Variants in TADA2B observed in about 807,000 individuals in gnomAD.
TADA2B encodes transcriptional adaptor 2B, also known as transcriptional adapter 2-beta.
A neutral mutation model predicts 34.5 loss-of-function variants in TADA2B; 13 were observed. The observed-to-expected ratio is 0.38, with a 90% CI of 0.25 to 0.60. The LOEUF (loss-of-function observed/expected upper bound fraction) is 0.60, where lower values mean the gene tolerates loss of function less well. Ranked by LOEUF, TADA2B falls within the 20% of genes least tolerant of loss-of-function variation. The pLI, the probability that TADA2B is intolerant of heterozygous loss-of-function variation, is 0.65. For synonymous variants in TADA2B, 240 were observed against 243.4 expected (o/e 0.99, Z 0.13); for missense variants, 442 against 575.0 (o/e 0.77, Z 2.37).
chr4:7,047,536 G>C (rs970801753), intron 1 of TADA2B, among the ~76,000 whole-genome samples: 1 of 152,254 alleles, frequency 6.6e-6, no homozygotes, highest in Non-Finnish European at 1.5e-5. Context: ...CCTTGTGCGT[G>C]CATTCATTCT....
chr4:7,048,721 C>A (rs1723695563), intron 1 of TADA2B, among the ~76,000 whole-genome samples: 1 of 152,158 alleles, frequency 6.6e-6, no homozygotes, highest in South Asian at 2.1e-4. Flanking sequence ...AACTCTGTCC[C>A]CATTCAACAC....
chr4:7,051,287 C>A (rs1345641074), intron 1 of TADA2B, among the ~76,000 whole-genome samples: 2 of 152,176 alleles, frequency 1.3e-5, no homozygotes, highest in East Asian at 3.9e-4. Context: ...TGACCGAGCA[C>A]ACGCTGTGGC....
chr4:7,053,641 T>G (rs1401120589), intron 1 of TADA2B: 1 of 164,818 alleles, frequency 6.1e-6, no homozygotes, highest in Non-Finnish European at 1.3e-5. Flanking sequence ...CAGGCATTCC[T>G]TGGCCTGCCC....
At chr4:7,044,094 G>C (rs1400624016) in intron 1 of TADA2B, among the ~76,000 whole-genome samples, 2 of 152,280 alleles carry the variant, frequency 1.3e-5, no homozygotes, top group East Asian at 3.9e-4. Flanking sequence ...TTGAACGCTG[G>C]CTTCTGACAG....
chr4:7,050,432 T>G (rs928356709), intron 1 of TADA2B, among the ~76,000 whole-genome samples: 2 of 152,216 alleles, frequency 1.3e-5, no homozygotes, highest in Non-Finnish European at 2.9e-5. Flanking sequence ...TGAGACTTCT[T>G]CATTTGGAGA....
chr4:7,048,203 G>A (rs1577215511), intron 1 of TADA2B, among the ~76,000 whole-genome samples: 1 of 152,220 alleles, frequency 6.6e-6, no homozygotes, highest in Non-Finnish European at 1.5e-5. Context: ...GGGAACCATG[G>A]GAAGTGGGGA....
At chr4:7,044,116 C>T (rs1477182309) in intron 1 of TADA2B, among the ~76,000 whole-genome samples, 1 of 152,264 alleles carries the variant, frequency 6.6e-6, no homozygotes, top group Non-Finnish European at 1.5e-5. Context: ...AGAGCCATTT[C>T]CCTCACCTTC....
chr4:7,048,099 G>A (rs1047113437), intron 1 of TADA2B, among the ~76,000 whole-genome samples: 5 of 152,186 alleles, frequency 3.3e-5, no homozygotes, highest in African/African-American at 1.2e-4. Context: ...AATTCCCAGG[G>A]ATCCCCTGAG....
chr4:7,056,018 G>A lies in TADA2B; in HGVS notation c.*964G>A, dbSNP rs779950521. Reference sequence around the variant, plus strand: ...AGCTTCCTCAGGATTTTCTTCAGTTGCAAGTACCTTTCCACTGAAAATATG... The same window carrying A: ...AGCTTCCTCAGGATTTTCTTCAGTTACAAGTACCTTTCCACTGAAAATATG... On this transcript the variant is annotated 3_prime_UTR_variant, in exon 2 of 2. Coordinates refer to ENST00000310074, the MANE Select transcript of TADA2B (RefSeq NM_152293.3). The A allele has an allele frequency of 6.6e-6, 1 of 152,304 alleles. No individual in the cohort carries two copies. Among genetic ancestry groups the A allele is most frequent in the African/African-American group, 2.4e-5 (1 of 41,456 alleles). The allele number at this position is 152,304 out of a possible 1,614,324, so 9.4% of individuals were successfully genotyped here.
Position 7,056,758 on chromosome 4 carries a change from CCA to C in TADA2B, c.*1707_*1708del, listed in dbSNP as rs1197560984. 1 of 152,214 alleles carries C rather than the reference CCA, an allele frequency of 6.6e-6. No individual in the cohort carries two copies. Among genetic ancestry groups the C allele is most frequent in the African/African-American group, 2.4e-5 (1 of 41,450 alleles). The allele number at this position is 152,214 out of a possible 1,614,324, so 9.4% of individuals were successfully genotyped here. ...AGCAGTGGTATCATGAGGGCCACCT[CCA>C]CATTGTCCCCTGCAGAATAAATGCG... On this transcript the variant is annotated 3_prime_UTR_variant, in exon 2 of 2. Coordinates refer to ENST00000310074, the MANE Select transcript of TADA2B (RefSeq NM_152293.3).
At position 7,043,491 on chromosome 4, in the gene TADA2B, C is replaced by T. The variant is rs1471586532; in HGVS notation, c.-89C>T. 4.9e-6 allele frequency: 4 copies of T among 824,606 alleles called. No homozygotes were observed. Among genetic ancestry groups the T allele is most frequent in the African/African-American group, 2.0e-5 (1 of 51,036 alleles). 51.1% of individuals were successfully genotyped at this position (824,606 alleles called of 1,614,324 possible). A position where few individuals can be genotyped will look rare whatever the true frequency, so the allele number is the denominator to read the frequency against. On this transcript the variant is annotated 5_prime_UTR_variant, in exon 1 of 2. Coordinates refer to ENST00000310074, the MANE Select transcript of TADA2B (RefSeq NM_152293.3). ...GGCGGCGGTTGCTCGTGCGCGGCGG[C>T]GGCGGCGGGTCCCGCGGGCGGCGGG...
In TADA2B at chr4:7,053,982, A is replaced by C. The variant is rs143656181; in HGVS notation, c.271-80A>C. ...GGAAGTACTCTAGGTCAGCCTTTGTAAAAACGTGAAGAGAATCTGTGCGGA... is the reference window on the plus strand; with the variant it reads ...GGAAGTACTCTAGGTCAGCCTTTGTCAAAACGTGAAGAGAATCTGTGCGGA... On this transcript the variant is annotated intron_variant, in intron 1 of 1. Coordinates refer to ENST00000310074, the MANE Select transcript of TADA2B (RefSeq NM_152293.3). The C allele has an allele frequency of 1.9e-5, 27 of 1,453,794 alleles. No individual in the cohort carries two copies. In the East Asian group the frequency reaches 6.7e-4, roughly 36 times the overall value. 90.1% of individuals were successfully genotyped at this position (1,453,794 alleles called of 1,614,324 possible).
intron 1 of TADA2B, among the ~76,000 whole-genome samples, chr4:7,052,399 T>C (rs970865978): frequency 6.6e-6 from 1 of 152,234 alleles, no homozygotes; most frequent in Non-Finnish European, 1.5e-5. Context: ...CCTGTAGTTA[T>C]CTGTTTCAGA....
chr4:7,054,081 T>C lies in TADA2B; in HGVS notation c.290T>C (p.Val97Ala). 1.3e-6 allele frequency: 2 copies of C among 1,585,568 alleles called. No homozygotes were observed. Among genetic ancestry groups the C allele is most frequent in the Non-Finnish European group, 8.6e-7 (1 of 1,163,438 alleles). ...FGNWEDMAAH[V>A]GASRTPQEVM... ...TCGTAGGAAGATATGGCTGCCCACG[T>C]TGGTGCTTCCCGGACTCCCCAAGAG... Residue 97 changes from valine to alanine, a missense_variant, in exon 2 of 2, where the codon GTT (valine) becomes GCT (alanine). Val to Ala is a moderately conservative substitution (Grantham distance 64, BLOSUM62 0). This residue lies in a region of TADA2B where 102 missense variants were observed against 177.2 expected (regional missense o/e 0.58). Transcript: ENST00000310074.
At chr4:7,052,105 C>T (rs546185502) in intron 1 of TADA2B, among the ~76,000 whole-genome samples, 39 of 152,340 alleles carry the variant, frequency 2.6e-4, no homozygotes, top group South Asian at 8.3e-4. Flanking sequence ...CAGCAGCCAT[C>T]GGAGCCTCCT....
At position 7,054,319 on chromosome 4, in the gene TADA2B, G is replaced by A. The variant is rs745432526; in HGVS notation, c.528G>A (p.Glu176=). The A allele has an allele frequency of 1.2e-6, 2 of 1,613,444 alleles. No individual in the cohort carries two copies. The highest frequency in any genetic ancestry group is 3.3e-5 in the Admixed American group (2 of 60,026). ...CGCTGCGGGATGATTACGAGATCGA[G>A]TATGACCAGGATGCCGAGACGCTCA... ...YMPLRDDYEI[E]YDQDAETLIS... Residue 176 remains glutamate, a synonymous_variant, in exon 2 of 2, where the codon GAG becomes GAA. Coordinates refer to ENST00000310074, the MANE Select transcript of TADA2B (RefSeq NM_152293.3).
In TADA2B at chr4:7,055,420, G is replaced by A. The variant is rs1359202186; in HGVS notation, c.*366G>A. The A allele has an allele frequency of 2.9e-5, 5 of 173,204 alleles. No individual in the cohort carries two copies. In the South Asian group the frequency reaches 4.4e-4, roughly 15 times the overall value. The allele number at this position is 173,204 out of a possible 1,614,324, so 10.7% of individuals were successfully genotyped here. A position where few individuals can be genotyped will look rare whatever the true frequency, so the allele number is the denominator to read the frequency against. The stretch of plus-strand genomic sequence containing the variant: ...GGAGCAGTGTTTTCCTGCTGGACCC[G>A]CAAGCCACCAGCTATTTCCTGGTGA... On this transcript the variant is annotated 3_prime_UTR_variant, in exon 2 of 2. Transcript: ENST00000310074.
intron 1 of TADA2B, among the ~76,000 whole-genome samples, chr4:7,051,196 C>G (rs367667853): frequency 3.9e-5 from 6 of 152,328 alleles, no homozygotes; most frequent in African/African-American, 1.4e-4. Context: ...TGAAGGCTTC[C>G]TGGACCCGGC....
chr4:7,052,509 C>T (rs1006139678), intron 1 of TADA2B, among the ~76,000 whole-genome samples: 3 of 152,326 alleles, frequency 2.0e-5, no homozygotes, highest in Non-Finnish European at 2.9e-5. Context: ...GAGGGGACTT[C>T]GCGCTCGCTG....
Sources: gnomAD v4.1 joint callset for allele counts (sites outside exome capture counted in the v4.1 genomes callset) on GRCh38, gnomAD v4.1.1 for gene constraint, gnomAD v4.1.1 regional missense constraint, MANE v1.5 for transcripts, NCBI Gene and HGNC (gene_info 2026-07-23, HGNC 2026-07-21) for gene names.